MIER2: variants seen among roughly 807,000 people sequenced by gnomAD.
MIER2 encodes MIER family member 2, also known as mesoderm induction early response protein 2.
Under a neutral mutation model 67.6 loss-of-function variants are expected in MIER2, and 30 were observed. The ratio of observed to expected loss-of-function variants is 0.44; its 90% CI spans 0.33 to 0.60. MIER2 has a LOEUF of 0.60. Among genes scored for constraint, MIER2 ranks in the 20% least tolerant of loss-of-function variants. MIER2 has a pLI of 0.02. For missense variants in MIER2, 702 were observed against 745.1 expected (o/e 0.94, Z 0.67); for synonymous variants, 372 against 312.6 (o/e 1.19, Z -2.00).
intron 3 of MIER2, among the ~76,000 whole-genome samples, chr19:330,814 C>T (rs1971990594): frequency 6.6e-6 from 1 of 152,182 alleles, no homozygotes; most frequent in Admixed American, 6.5e-5. Context: ...AGAACCCACT[C>T]TGCTGGACCT....
chr19:327,377 C>A, intron 4 of MIER2, 121 bp from the exon 5 acceptor site: 1 of 1,275,570 alleles, frequency 7.8e-7, no homozygotes, highest in South Asian at 1.4e-5. Flanking sequence ...GCTGCTATTC[C>A]CATTCTGCAA....
chr19:306,513 CA>C lies in MIER2; in HGVS notation c.*176del, dbSNP rs1970656007. 2 of 850,154 alleles carry C rather than the reference CA, an allele frequency of 2.4e-6. No individual in the cohort carries two copies. The highest frequency in any genetic ancestry group is 2.5e-5 in the Admixed American group (1 of 40,526). The allele number at this position is 850,154 out of a possible 1,614,324, so 52.7% of individuals were successfully genotyped here. A position where few individuals can be genotyped will look rare whatever the true frequency, so the allele number is the denominator to read the frequency against. On this transcript the variant is annotated 3_prime_UTR_variant, in exon 14 of 14. Transcript: ENST00000264819. Reference sequence around the variant, plus strand: ...GGGCCGTGGGTCCATTCTGTGTGGACAGGGGCAAGGGCTCACGGCCCAGCCA... The same window carrying C: ...GGGCCGTGGGTCCATTCTGTGTGGACGGGGCAAGGGCTCACGGCCCAGCCA...
chr19:306,318 G>A lies in MIER2; in HGVS notation c.*372C>T, dbSNP rs531001513. 1.7e-3 allele frequency: 515 copies of A among 301,118 alleles called. No individual in the cohort carries two copies. The highest frequency in any genetic ancestry group is 5.8e-3 in the African/African-American group (265 of 45,418). The allele number at this position is 301,118 out of a possible 1,614,324, so 18.7% of individuals were successfully genotyped here. ...AGGGCGTCCTGCCCGTCTCCCCGCC[G>A]GGGCAGTGACGCCTTCCCTCGCCTC... On this transcript the variant is annotated 3_prime_UTR_variant, in exon 14 of 14. Transcript: ENST00000264819.
At chr19:340,450 A>T (rs1410616288) in intron 1 of MIER2, 1 of 152,194 alleles carries the variant, frequency 6.6e-6, no homozygotes, top group Non-Finnish European at 1.5e-5. Context: ...CTGTATTCTC[A>T]CAAAAAAAGT....
intron 1 of MIER2, among the ~76,000 whole-genome samples, chr19:336,609 G>C (rs1461990741): frequency 2.6e-5 from 4 of 152,190 alleles, no homozygotes; most frequent in African/African-American, 9.6e-5. Flanking sequence ...GTGGGGGCCA[G>C]GAGCCAGGGA....
intron 10 of MIER2, among the ~76,000 whole-genome samples, chr19:310,714 AG>A (rs1431048725): frequency 2.2e-3 from 320 of 148,814 alleles, no homozygotes; most frequent in African/African-American, 4.4e-3. Context: ...CCGGAGCTAT[AG>A]GAACATGGCC....
intron 1 of MIER2, chr19:343,934 A>C: frequency 1.1e-5 from 11 of 985,444 alleles, no homozygotes; most frequent in Non-Finnish European, 1.3e-5. Flanking sequence ...GTTTGACCTG[A>C]CACGAAGCTA....
chr19:321,452 T>C (rs191918397), intron 7 of MIER2, among the ~76,000 whole-genome samples: 516 of 152,144 alleles, frequency 3.4e-3, no homozygotes, highest in African/African-American at 9.8e-3. Context: ...CGAGATCAGC[T>C]TGGCCAACAT....
chr19:335,748 G>A (rs547523170), intron 2 of MIER2, among the ~76,000 whole-genome samples: 33 of 152,268 alleles, frequency 2.2e-4, no homozygotes, highest in South Asian at 2.1e-4. Flanking sequence ...TCTCAGCCCC[G>A]GCTCCCTCAG....
chr19:319,053 C>T (rs1176725275), intron 7 of MIER2, among the ~76,000 whole-genome samples: 18 of 49,848 alleles, frequency 3.6e-4, no homozygotes, highest in African/African-American at 1.8e-3. Context: ...GAGACTCTGT[C>T]TCAAAAAAAA....
At chr19:318,291 A>G (rs909088670) in intron 7 of MIER2, among the ~76,000 whole-genome samples, 1 of 152,178 alleles carries the variant, frequency 6.6e-6, no homozygotes, top group African/African-American at 2.4e-5. Context: ...ACACTAAACA[A>G]ATCAACAAAA....
chr19:312,194 G>C lies in MIER2; in HGVS notation c.886C>G (p.Arg296Gly), dbSNP rs1971050242. 7 of 1,613,706 alleles carry C rather than the reference G, an allele frequency of 4.3e-6. No homozygotes were observed. Among genetic ancestry groups the C allele is most frequent in the Non-Finnish European group, 5.9e-6 (7 of 1,179,826 alleles). The change falls in exon 9 of 14, where the codon CGA becomes GGA. Residue 296 changes from arginine to glycine, a missense_variant. Physicochemically the swap from Arg to Gly is moderately radical, Grantham distance 125. Transcript: ENST00000264819. ...RRLRFNVKVI[R>G]DGLCAWSEEE... ...GAAGGCCCAGACCGCTGCTCACCTCGGATCACCTTCACGTTGAACCGCAGC... is the reference window on the plus strand; with the variant it reads ...GAAGGCCCAGACCGCTGCTCACCTCCGATCACCTTCACGTTGAACCGCAGC...
chr19:313,427 G>C lies in MIER2; in HGVS notation c.807+65C>G, dbSNP rs1281500367. ...CTCCCTGGCCCCTGGAGGCACTGGG[G>C]TGTGAGCTCTGGCCCACGCCACGGC... On this transcript the variant is annotated intron_variant, in intron 8 of 13. Coordinates refer to ENST00000264819, the MANE Select transcript of MIER2 (RefSeq NM_017550.3). 4 of 1,573,836 alleles carry C rather than the reference G, an allele frequency of 2.5e-6. No homozygotes were observed. The African/African-American group carries it at 5.4e-5, about 21-fold the overall frequency.
At chr19:342,039 C>T (rs752802186) in intron 1 of MIER2, among the ~76,000 whole-genome samples, 3 of 152,128 alleles carry the variant, frequency 2.0e-5, no homozygotes, top group Non-Finnish European at 4.4e-5. Context: ...GATGGCTGCA[C>T]CTACCTCTCC....
At chr19:311,009 A>G (rs1010464537) in intron 10 of MIER2, among the ~76,000 whole-genome samples, 1 of 152,224 alleles carries the variant, frequency 6.6e-6, no homozygotes, top group African/African-American at 2.4e-5. Flanking sequence ...TGCGCACGGC[A>G]CCGCACAGTC....
At chr19:344,442 G>A in intron 1 of MIER2, 1 of 944,244 alleles carries the variant, frequency 1.1e-6, no homozygotes, top group Non-Finnish European at 1.3e-6. Flanking sequence ...CCCTGGAACG[G>A]AGCCGCGCGC....
rs1310419021 is a variant in MIER2 at position 333,018 on chromosome 19, A to T, written c.243+1382T>A. On this transcript the variant is annotated intron_variant, in intron 3 of 13. Coordinates refer to ENST00000264819, the MANE Select transcript of MIER2 (RefSeq NM_017550.3). Reference sequence around the variant, plus strand: ...TCTTTTTTTTCTTTTTTGGAGACGGAGTCTCGCTGTGTCACCCAGGCTGGA... The same window carrying T: ...TCTTTTTTTTCTTTTTTGGAGACGGTGTCTCGCTGTGTCACCCAGGCTGGA... Among the ~76,000 whole-genome samples the T allele has an allele frequency of 3.8e-5, 2 of 52,650 alleles. 1 individual carries two copies. The highest frequency in any genetic ancestry group is 6.2e-5 in the Non-Finnish European group (2 of 32,048). 34.5% of individuals were successfully genotyped at this position (52,650 alleles called of 152,430 possible).
chr19:327,060 A>C (rs956537507), intron 5 of MIER2, 73 bp downstream of exon 5: 5 of 1,524,752 alleles, frequency 3.3e-6, no homozygotes, highest in Non-Finnish European at 4.4e-6. Context: ...CAGCCCAAGG[A>C]CCCTTCATCA....
intron 7 of MIER2, among the ~76,000 whole-genome samples, chr19:323,877 T>C (rs934626862): frequency 6.8e-6 from 1 of 146,690 alleles, no homozygotes; most frequent in African/African-American, 2.6e-5. Flanking sequence ...CACAATGCAA[T>C]ACACAAGACA....
Sources: gnomAD v4.1 joint callset for allele counts (sites outside exome capture counted in the v4.1 genomes callset) on GRCh38, gnomAD v4.1.1 for gene constraint, MANE v1.5 for transcripts, NCBI Gene and HGNC (gene_info 2026-07-23, HGNC 2026-07-21) for gene names.